The following MAP2K2 variants were observed in gnomAD, a reference collection of about 807,000 sequenced individuals.
MAP2K2 encodes mitogen-activated protein kinase kinase 2.
In MAP2K2, 24 loss-of-function variants were observed where a neutral mutation model predicts 43.7. The observed-to-expected ratio is 0.55, with a 90% confidence interval of 0.40 to 0.77. The LOEUF is 0.77. Ranked by LOEUF, MAP2K2 falls within the 30% of genes least tolerant of loss-of-function variation. The pLI, the probability that MAP2K2 is intolerant of heterozygous loss-of-function variation, is 0.00. For missense variants in MAP2K2, 470 were observed against 566.8 expected, an observed-to-expected ratio of 0.83 and a Z score of 1.73; for synonymous variants, 244 against 239.7, an observed-to-expected ratio of 1.02 and a Z score of -0.17.
intron 10 of MAP2K2, 37 bp from the exon 11 acceptor site, chr19:4,090,745 G>A (rs1030572052): frequency 1.4e-6 from 2 of 1,419,042 alleles, no homozygotes; most frequent in South Asian, 2.5e-5. Context: ...CCCGGGCCTG[G>A]AGTCACAGTA....
chr19:4,107,038 C>T (rs1345686990), intron 3 of MAP2K2, among the ~76,000 whole-genome samples: 2 of 152,182 alleles, frequency 1.3e-5, no homozygotes, highest in Non-Finnish European at 2.9e-5. Flanking sequence ...TAGGTTCAGA[C>T]CCCAGGGAAG....
At chr19:4,117,322 C>G (rs2041233904) in intron 2 of MAP2K2, 97 bp downstream of exon 2, 2 of 1,144,934 alleles carry the variant, frequency 1.7e-6, no homozygotes, top group Admixed American at 3.9e-5. Context: ...TGGAGCTAAT[C>G]AGAATGCAGA....
chr19:4,090,849 G>A (rs1404580615), intron 10 of MAP2K2, 141 bp from the exon 11 acceptor site: 13 of 715,068 alleles, frequency 1.8e-5, no homozygotes, highest in Admixed American at 4.0e-5. Context: ...ACAGGAAGAC[G>A]CACTCGGGGT....
chr19:4,102,848 G>A (rs1403661726), intron 3 of MAP2K2: 86 of 1,189,632 alleles, frequency 7.2e-5, no homozygotes, highest in Non-Finnish European at 8.3e-5. Flanking sequence ...CACGGGAGGC[G>A]GCCAGGCTGG....
chr19:4,100,990 G>A (rs2040999372), intron 6 of MAP2K2, 29 bp downstream of exon 6: 2 of 1,551,486 alleles, frequency 1.3e-6, no homozygotes, highest in African/African-American at 2.7e-5. Context: ...AGGGAGGAGA[G>A]CTGGAGGGGA....
intron 10 of MAP2K2, among the ~76,000 whole-genome samples, chr19:4,092,590 G>A (rs2040864780): frequency 6.6e-6 from 1 of 151,250 alleles, no homozygotes; most frequent in African/African-American, 2.4e-5. Flanking sequence ...CTCCGTCTGA[G>A]GGAAAAAAAA....
At chr19:4,112,115 G>A (rs1038345927) in intron 2 of MAP2K2, among the ~76,000 whole-genome samples, 3 of 152,228 alleles carry the variant, frequency 2.0e-5, no homozygotes, top group African/African-American at 4.8e-5. Context: ...ACAGCATCCC[G>A]CTCCAGCCAC....
In MAP2K2 at chr19:4,110,685, G is replaced by A. The variant is rs753132019; in HGVS notation, c.304-30C>T. ...AAGGGGAGAGGGGCGAGACTGGCTTGGGGGGTGCCCGAAAACGGGATGAAG... is the reference window on the plus strand; with the variant it reads ...AAGGGGAGAGGGGCGAGACTGGCTTAGGGGGTGCCCGAAAACGGGATGAAG... On this transcript the variant is annotated intron_variant, in intron 2 of 10. Coordinates refer to ENST00000262948, the MANE Select transcript of MAP2K2 (RefSeq NM_030662.4). 11 of 1,600,020 alleles carry A rather than the reference G, an allele frequency of 6.9e-6. No homozygotes were observed. In the South Asian group the frequency reaches 1.2e-4, roughly 18 times the overall value.
chr19:4,102,274 TA>T, intron 4 of MAP2K2, 101 bp downstream of exon 4: 1 of 1,030,944 alleles, frequency 9.7e-7, no homozygotes, highest in Non-Finnish European at 1.5e-6. Context: ...GGGGCCACCC[TA>T]ACCCCCACCA....
chr19:4,100,969 G>A (rs2145053450), intron 6 of MAP2K2, 50 bp downstream of exon 6: 5 of 1,549,500 alleles, frequency 3.2e-6, no homozygotes, highest in Non-Finnish European at 4.4e-6. Context: ...GAGAGCTTGG[G>A]GGAGAGCAGC....
chr19:4,111,728 C>T (rs377270563), intron 2 of MAP2K2, among the ~76,000 whole-genome samples: 1 of 152,074 alleles, frequency 6.6e-6, no homozygotes, highest in Non-Finnish European at 1.5e-5. Context: ...CTGAGGTGGG[C>T]GGACTGCTTG....
chr19:4,116,111 A>G (rs1319627333), intron 2 of MAP2K2, among the ~76,000 whole-genome samples: 1 of 152,172 alleles, frequency 6.6e-6, no homozygotes, highest in Admixed American at 6.5e-5. Context: ...GTCAAACGCC[A>G]GTCTAGAGGT....
chr19:4,098,268 C>A (rs2040949655), intron 7 of MAP2K2, among the ~76,000 whole-genome samples: 1 of 152,114 alleles, frequency 6.6e-6, no homozygotes, highest in African/African-American at 2.4e-5. Flanking sequence ...AGTCCAGAGG[C>A]AGGAAGGGGA....
chr19:4,111,714 G>C (rs978393272), intron 2 of MAP2K2, among the ~76,000 whole-genome samples: 5 of 152,236 alleles, frequency 3.3e-5, no homozygotes, highest in African/African-American at 1.2e-4. Flanking sequence ...CGCACTCCGG[G>C]AGGCTGAGGT....
At chr19:4,091,051 C>T (rs574655839) in intron 10 of MAP2K2, among the ~76,000 whole-genome samples, 1 of 152,210 alleles carries the variant, frequency 6.6e-6, no homozygotes, top group Non-Finnish European at 1.5e-5. Flanking sequence ...CATTCTCTGG[C>T]GTGGGGCCAT....
At chr19:4,105,291 C>T (rs112576939) in intron 3 of MAP2K2, among the ~76,000 whole-genome samples, 13,772 of 147,888 alleles carry the variant, frequency 0.093, 854 homozygotes, top group African/African-American at 0.18. Context: ...TTTCCTGAGG[C>T]GGAGTCTCGC....
intron 8 of MAP2K2, among the ~76,000 whole-genome samples, chr19:4,096,161 C>G (rs1200552381): frequency 6.6e-6 from 1 of 152,230 alleles, no homozygotes; most frequent in Non-Finnish European, 1.5e-5. Context: ...GTAAGCGGTG[C>G]CAGCAGGGCA....
At chr19:4,103,991 C>T (rs1040243935) in intron 3 of MAP2K2, among the ~76,000 whole-genome samples, 10 of 152,154 alleles carry the variant, frequency 6.6e-5, no homozygotes, top group Non-Finnish European at 1.0e-4. Flanking sequence ...GGGCTGGGAG[C>T]GGTGACTCAC....
intron 1 of MAP2K2, among the ~76,000 whole-genome samples, chr19:4,122,883 C>G (rs1197811635): frequency 6.6e-6 from 1 of 151,718 alleles, no homozygotes; most frequent in East Asian, 2.0e-4. Context: ...GACCCTTACC[C>G]CGTCTTTTCC....
Sources: gnomAD v4.1 joint callset for allele counts (sites outside exome capture counted in the v4.1 genomes callset) on GRCh38, gnomAD v4.1.1 for gene constraint, MANE v1.5 for transcripts, NCBI Gene and HGNC (gene_info 2026-07-23, HGNC 2026-07-21) for gene names.